Variants in CHD3 observed in about 807,000 individuals in gnomAD.
CHD3 encodes the protein chromodomain helicase DNA binding protein 3, also known as ATP-dependent chromatin remodeler CHD3.
In CHD3, 52 loss-of-function variants were observed where a neutral mutation model predicts 248.9. The observed-to-expected ratio is 0.21, with a 90% CI of 0.17 to 0.26. CHD3 has a LOEUF of 0.26. CHD3 is among the 10% of genes least tolerant of loss of function. CHD3 has a pLI of 1.00. For missense variants in CHD3, 1,482 were observed against 2,605.8 expected, an observed-to-expected ratio of 0.57 and a Z score of 9.39; for synonymous variants, 985 against 985.2, an observed-to-expected ratio of 1.00 and a Z score of 0.00.
chr17:7,899,884 T>C lies in CHD3; in HGVS notation c.2545-12T>C. 1 of 1,609,868 alleles carries C rather than the reference T, an allele frequency of 6.2e-7. No homozygotes were observed. Among genetic ancestry groups the C allele is most frequent in the Non-Finnish European group, 8.5e-7 (1 of 1,177,514 alleles). On this transcript the variant is annotated splice_polypyrimidine_tract_variant and intron_variant, in intron 15 of 39. Transcript: ENST00000330494. This position sits in a 1 kb window ranked among gnomAD's most constrained non-coding sequence, Gnocchi z 6.8. Reference sequence around the variant, plus strand: ...CAGGTGGCAGCTGAATGGGCAATAATTATGTTGGCAGAGGGAGGCACAGGT... The same window carrying C: ...CAGGTGGCAGCTGAATGGGCAATAACTATGTTGGCAGAGGGAGGCACAGGT...
chr17:7,888,810 A>G lies in CHD3; in HGVS notation c.-191A>G, dbSNP rs1597911755. 7 of 1,434,436 alleles carry G rather than the reference A, an allele frequency of 4.9e-6. No individual in the cohort carries two copies. The East Asian group carries it at 1.3e-4, about 26-fold the overall frequency. 88.9% of individuals were successfully genotyped at this position (1,434,436 alleles called of 1,614,324 possible). On this transcript the variant is annotated 5_prime_UTR_variant, in exon 1 of 40. Coordinates refer to ENST00000330494, the MANE Select transcript of CHD3 (RefSeq NM_001005273.3). ...GCCTATATCTTTGTTTGGGTCTCCC[A>G]TACTGCGTATAGATGAATGGGTCAG...
Position 7,911,496 on chromosome 17 carries a change from AAGG to A in CHD3, c.5917_5919del (p.Glu1973del), listed in dbSNP as rs1329089782. ...CAACGGCCCTCCAGTGCTTGTGAAG[AAGG>A]AGAAGGAAATGGTGGGGGCATTGGT... On this transcript the variant is annotated inframe_deletion, in exon 40 of 40. Coordinates refer to ENST00000330494, the MANE Select transcript of CHD3 (RefSeq NM_001005273.3). The surrounding 1 kb of genome is among the most constrained non-coding windows in gnomAD (Gnocchi z 5.4). 6.8e-6 allele frequency: 11 copies of A among 1,614,076 alleles called. No individual in the cohort carries two copies. The highest frequency in any genetic ancestry group is 6.7e-5 in the East Asian group (3 of 44,884).
At position 7,904,531 on chromosome 17, in the gene CHD3, A is replaced by G; in HGVS notation, c.3984A>G (p.Gln1328=). The G allele has an allele frequency of 1.2e-6, 2 of 1,614,144 alleles. No individual in the cohort carries two copies. The highest frequency in any genetic ancestry group is 2.2e-5 in the East Asian group (1 of 44,878). ...WEKLLRHHYE[Q]QQEDLARNLG... Reference sequence around the variant, plus strand: ...AGCTGCTGAGGCATCACTATGAGCAACAGCAGGAAGACCTAGCCCGGAATC... The same window carrying G: ...AGCTGCTGAGGCATCACTATGAGCAGCAGCAGGAAGACCTAGCCCGGAATC... The change falls in exon 25 of 40, where the codon CAA becomes CAG. Residue 1328 remains glutamine (Q), a synonymous_variant. Coordinates refer to ENST00000330494, the MANE Select transcript of CHD3 (RefSeq NM_001005273.3). This position sits in a 1 kb window ranked among gnomAD's most constrained non-coding sequence, Gnocchi z 4.4.
Position 7,897,224 on chromosome 17 carries a change from A to T in CHD3, c.1849A>T (p.Met617Leu). Residue 617 changes from methionine to leucine, a missense_variant, in exon 11 of 40, where the codon ATG becomes TTG. This residue lies in a region of CHD3 where 127 missense variants were observed against 188.3 expected (regional missense o/e 0.67). Coordinates refer to ENST00000330494, the MANE Select transcript of CHD3 (RefSeq NM_001005273.3). The surrounding 1 kb of genome is among the most constrained non-coding windows in gnomAD (Gnocchi z 4.8). Reference protein sequence around the residue: ...RKVKDPHYAEMEEKYYRFGIK... With the variant: ...RKVKDPHYAELEEKYYRFGIK... ...AGTGAAAGACCCGCACTATGCTGAGATGGAGGAGAAGTACTATCGTTTTGG... is the reference window on the plus strand; with the variant it reads ...AGTGAAAGACCCGCACTATGCTGAGTTGGAGGAGAAGTACTATCGTTTTGG... 6.2e-7 allele frequency: 1 copy of T among 1,614,150 alleles called. No individual in the cohort carries two copies. Among genetic ancestry groups the T allele is most frequent in the African/African-American group, 1.3e-5 (1 of 75,020 alleles).
Position 7,910,281 on chromosome 17 carries a change from T to G in CHD3, c.5591-147T>G. ...TTTCCATCTACTTCTTTTACTTTCT[T>G]GATCTCTGGTTCTTTGACATCTGTG... On this transcript the variant is annotated intron_variant, in intron 37 of 39. Transcript: ENST00000330494. The surrounding 1 kb of genome is among the most constrained non-coding windows in gnomAD (Gnocchi z 4.7). The G allele has an allele frequency of 2.0e-6, 2 of 985,362 alleles. No homozygotes were observed. The allele number at this position is 985,362 out of a possible 1,614,324, so 61.0% of individuals were successfully genotyped here. A position where few individuals can be genotyped will look rare whatever the true frequency, so the allele number is the denominator to read the frequency against.
Position 7,897,466 on chromosome 17 carries a change from C to T in CHD3, c.1919+172C>T, listed in dbSNP as rs991288508. ...TTTCCTCCAGGGGAACGGGAGAAAA[C>T]AGGAGGAAAATCCGGCCAGGCAGTG... is the stretch of plus-strand genomic sequence containing the variant. On this transcript the variant is annotated intron_variant, in intron 11 of 39. Coordinates refer to ENST00000330494, the MANE Select transcript of CHD3 (RefSeq NM_001005273.3). The surrounding 1 kb of genome is among the most constrained non-coding windows in gnomAD (Gnocchi z 4.8). Among the ~76,000 whole-genome samples, 3 of 152,176 alleles carry T rather than the reference C, an allele frequency of 2.0e-5. No homozygotes were observed. Among genetic ancestry groups the T allele is most frequent in the South Asian group, 4.1e-4 (2 of 4,830 alleles).
In CHD3 at chr17:7,905,281, G is replaced by A; in HGVS notation, c.4138+116G>A. On this transcript the variant is annotated intron_variant, in intron 26 of 39. Transcript: ENST00000330494. The surrounding 1 kb of genome is among the most constrained non-coding windows in gnomAD (Gnocchi z 5.8). ...TCTTCGTGTGTGTGTGGAAAAACTCGATTGCAGATGAGCAGAAAGGAAGAA... is the reference window on the plus strand; with the variant it reads ...TCTTCGTGTGTGTGTGGAAAAACTCAATTGCAGATGAGCAGAAAGGAAGAA... 2.2e-6 allele frequency: 2 copies of A among 910,332 alleles called. No homozygotes were observed. Among genetic ancestry groups the A allele is most frequent in the South Asian group, 1.4e-5 (1 of 70,538 alleles). The allele number at this position is 910,332 out of a possible 1,614,324, so 56.4% of individuals were successfully genotyped here.
In CHD3 at chr17:7,908,367, C is replaced by T. The variant is rs1971249170; in HGVS notation, c.5153-35C>T. On this transcript the variant is annotated intron_variant, in intron 34 of 39. Coordinates refer to ENST00000330494, the MANE Select transcript of CHD3 (RefSeq NM_001005273.3). This position sits in a 1 kb window ranked among gnomAD's most constrained non-coding sequence, Gnocchi z 5.8. ...TTGGACTGAGTGCAGTCTGCAAAAC[C>T]CTGTTACCTCTTCTGTCTGCTGCCT... 5.1e-6 allele frequency: 8 copies of T among 1,560,850 alleles called. No homozygotes were observed. In the South Asian group the frequency reaches 6.8e-5, roughly 13 times the overall value.
rs779318804 is a variant in CHD3 at position 7,910,953 on chromosome 17, C to G, written c.5861C>G (p.Pro1954Arg). 2 of 1,613,302 alleles carry G rather than the reference C, an allele frequency of 1.2e-6. No homozygotes were observed. Among genetic ancestry groups the G allele is most frequent in the Middle Eastern group, 1.7e-4 (1 of 6,058 alleles). Residue 1954 changes from proline (P) to arginine (R), a missense_variant, in exon 39 of 40, where the codon CCT (proline) becomes CGT (arginine). Transcript: ENST00000330494. The surrounding 1 kb of genome is among the most constrained non-coding windows in gnomAD (Gnocchi z 4.7). ...AAAGANYSQM[P>R]AGSFITAATN... ...GCAGGCGCCAATTACAGCCAGATGC[C>G]TGCAGGGTCCTTCATCACAGGTCAG... is the stretch of plus-strand genomic sequence containing the variant.
Position 7,908,082 on chromosome 17 carries a change from T to A in CHD3, c.5152+63T>A. The A allele has an allele frequency of 6.6e-7, 1 of 1,524,084 alleles. No individual in the cohort carries two copies. The highest frequency in any genetic ancestry group is 1.3e-5 in the South Asian group (1 of 77,862). The allele number at this position is 1,524,084 out of a possible 1,614,324, so 94.4% of individuals were successfully genotyped here. On this transcript the variant is annotated intron_variant, in intron 34 of 39. Coordinates refer to ENST00000330494, the MANE Select transcript of CHD3 (RefSeq NM_001005273.3). This position sits in a 1 kb window ranked among gnomAD's most constrained non-coding sequence, Gnocchi z 5.8. ...GATCTGCTCATCCTCATGGGGTTTCTCGTTTTGCCTGAGGCTTCCTGCTAC... is the reference window on the plus strand; with the variant it reads ...GATCTGCTCATCCTCATGGGGTTTCACGTTTTGCCTGAGGCTTCCTGCTAC...
At position 7,906,069 on chromosome 17, in the gene CHD3, A is replaced by G; in HGVS notation, c.4358+80A>G. 6.4e-7 allele frequency: 1 copy of G among 1,574,482 alleles called. No individual in the cohort carries two copies. The highest frequency in any genetic ancestry group is 8.7e-7 in the Non-Finnish European group (1 of 1,149,474). On this transcript the variant is annotated intron_variant, in intron 28 of 39. Transcript: ENST00000330494. This position sits in a 1 kb window ranked among gnomAD's most constrained non-coding sequence, Gnocchi z 5.0. ...TTCCTTTCTTCCTTGGGGCCGCCAT[A>G]TGATGTGACCTTACTCAACTGATTA...
chr17:7,886,959 C>T (rs955662057), upstream of CHD3, among the ~76,000 whole-genome samples: 3 of 152,120 alleles, frequency 2.0e-5, no homozygotes, highest in Non-Finnish European at 4.4e-5. The surrounding 1 kb of genome is among the most constrained non-coding windows in gnomAD (Gnocchi z 4.2). Flanking sequence ...TCAGAGGCTG[C>T]TTACATTTTA....
In CHD3 at chr17:7,897,568, A is replaced by G. The variant is rs781332946; in HGVS notation, c.1919+274A>G. The stretch of plus-strand genomic sequence containing the variant: ...ATGAGTCTGGGGATGAGGGCATGAA[A>G]GCAAAACATGAGAGACATAATTCAT... On this transcript the variant is annotated intron_variant, in intron 11 of 39. Transcript: ENST00000330494. This position sits in a 1 kb window ranked among gnomAD's most constrained non-coding sequence, Gnocchi z 4.8. Among the ~76,000 whole-genome samples the G allele has an allele frequency of 6.6e-6, 1 of 152,214 alleles. No homozygotes were observed. Among genetic ancestry groups the G allele is most frequent in the Admixed American group, 6.5e-5 (1 of 15,288 alleles).
intron 4 of CHD3, among the ~76,000 whole-genome samples, chr17:7,891,440 C>T (rs1968843199): frequency 6.6e-6 from 1 of 152,326 alleles, no homozygotes; most frequent in South Asian, 2.1e-4. Flanking sequence ...TCCTGAACTT[C>T]CTTAGCTCAC....
chr17:7,895,383 G>T lies in CHD3; in HGVS notation c.1548G>T (p.Arg516=). 6.2e-7 allele frequency: 1 copy of T among 1,614,172 alleles called. No homozygotes were observed. The highest frequency in any genetic ancestry group is 8.5e-7 in the Non-Finnish European group (1 of 1,180,034). ...GAGTGCAGAAGATCCTACATTGGCGGTGGGGGGAGCCACCTGTAGCAGTGC... is the reference window on the plus strand; with the variant it reads ...GAGTGCAGAAGATCCTACATTGGCGTTGGGGGGAGCCACCTGTAGCAGTGC... ...KGRVQKILHW[R]WGEPPVAVPA... Residue 516 remains arginine (R), a synonymous_variant, in exon 10 of 40, where the codon CGG becomes CGT. Coordinates refer to ENST00000330494, the MANE Select transcript of CHD3 (RefSeq NM_001005273.3). This position sits in a 1 kb window ranked among gnomAD's most constrained non-coding sequence, Gnocchi z 4.9.
chr17:7,899,978 G>T lies in CHD3; in HGVS notation c.2627G>T (p.Arg876Leu). ...GATCAGGCAGCACTTGGTTCCATCC[G>T]CTGGGCCTGTCTTGTGGTAGATGAG... ...TIDQAALGSI[R>L]WACLVVDEAH... The change falls in exon 16 of 40, where the codon CGC becomes CTC. Residue 876 changes from arginine to leucine, a missense_variant. Physicochemically the swap from Arg to Leu is moderately radical, Grantham distance 102. Around this residue, in one of 20 missense-constraint regions of CHD3, gnomAD observed 49 missense variants for 93.8 expected, o/e 0.52. Transcript: ENST00000330494. The surrounding 1 kb of genome is among the most constrained non-coding windows in gnomAD (Gnocchi z 6.8). 2.5e-6 allele frequency: 4 copies of T among 1,614,110 alleles called. No homozygotes were observed. The highest frequency in any genetic ancestry group is 2.5e-6 in the Non-Finnish European group (3 of 1,180,026).
At position 7,894,261 on chromosome 17, in the gene CHD3, G is replaced by A. The variant is rs766382716; in HGVS notation, c.1071G>A (p.Lys357=). ...LKRGRPGRKK[K]KVLGCPAVAG... Reference sequence around the variant, plus strand: ...GAGGCCGGCCAGGAAGGAAGAAGAAGAAGGGTAAGGAGTGTTGACTGTGTG... The same window carrying A: ...GAGGCCGGCCAGGAAGGAAGAAGAAAAAGGGTAAGGAGTGTTGACTGTGTG... Residue 357 remains lysine, a synonymous_variant, in exon 7 of 40, where the codon AAG becomes AAA. Transcript: ENST00000330494. The A allele has an allele frequency of 2.5e-6, 4 of 1,613,764 alleles. No homozygotes were observed. The South Asian group carries it at 3.3e-5, about 13-fold the overall frequency.
At position 7,901,320 on chromosome 17, in the gene CHD3, A is replaced by G; in HGVS notation, c.3197A>G (p.Gln1066Arg). The G allele has an allele frequency of 6.2e-7, 1 of 1,614,042 alleles. No homozygotes were observed. The highest frequency in any genetic ancestry group is 1.1e-5 in the South Asian group (1 of 91,078). The change falls in exon 20 of 40, where the codon CAG becomes CGG. Residue 1066 changes from glutamine (Q) to arginine (R), a missense_variant. Transcript: ENST00000330494. ...IKSSGKLMLL[Q>R]KMLRKLKEQG... ...TCGTCTGGGAAGCTCATGCTGCTCC[A>G]GAAGATGCTGCGAAAGCTGAAGGAG...
rs1969897422 is a variant in CHD3, at chr17:7,898,062, C to T, written c.2011C>T (p.Pro671Ser). Residue 671 changes from proline (P) to serine (S), a missense_variant, in exon 12 of 40, where the codon CCT (proline) becomes TCT (serine). Coordinates refer to ENST00000330494, the MANE Select transcript of CHD3 (RefSeq NM_001005273.3). ...GTGGGAGGAAGATGAAATGAATATC[C>T]CTGAATACGAAGAACATAAGCAAAG... ...STWEEDEMNI[P>S]EYEEHKQSYW... The T allele has an allele frequency of 2.5e-6, 4 of 1,614,062 alleles. No homozygotes were observed. Among genetic ancestry groups the T allele is most frequent in the South Asian group, 1.1e-5 (1 of 91,084 alleles).
Sources: gnomAD v4.1 joint callset for allele counts (sites outside exome capture counted in the v4.1 genomes callset) on GRCh38, gnomAD v4.1.1 for gene constraint, gnomAD v4.1.1 regional missense constraint, Gnocchi (gnomAD v3.1) non-coding constraint, MANE v1.5 for transcripts, NCBI Gene and HGNC (gene_info 2026-07-23, HGNC 2026-07-21) for gene names.